The following ALK variants were observed in gnomAD, a reference collection of about 807,000 sequenced individuals.
The protein encoded by ALK is ALK tyrosine kinase receptor.
Under a neutral mutation model 163.1 loss-of-function variants are expected in ALK, and 74 were observed. The ratio of observed to expected loss-of-function variants is 0.45; its 90% confidence interval spans 0.38 to 0.55. ALK has a LOEUF of 0.55. Among genes scored for constraint, ALK ranks in the 20% least tolerant of loss-of-function variants. The probability of loss-of-function intolerance (pLI) is 0.00; values close to 1 mark genes in which losing one functional copy is unlikely to be tolerated. For missense variants in ALK, 2,063 were observed against 2,105.3 expected, an observed-to-expected ratio of 0.98 and a Z score of 0.39; for synonymous variants, 960 against 843.2, an observed-to-expected ratio of 1.14 and a Z score of -2.40.
At chr2:29,204,816 T>C (rs1028376491) in intron 26 of ALK, among the ~76,000 whole-genome samples, 4 of 152,220 alleles carry the variant, frequency 2.6e-5, no homozygotes, top group African/African-American at 9.6e-5. Context: ...CTCGAACTTC[T>C]GACCTCAGGT....
intron 4 of ALK, among the ~76,000 whole-genome samples, chr2:29,422,875 T>G (rs1367027476): frequency 6.6e-6 from 1 of 151,944 alleles, no homozygotes; most frequent in Admixed American, 6.6e-5. Context: ...CCTGAGTCTA[T>G]GAAAACTTCA....
chr2:29,834,757 A>G (rs1016692102), intron 1 of ALK, among the ~76,000 whole-genome samples: 1 of 152,180 alleles, frequency 6.6e-6, no homozygotes, highest in Non-Finnish European at 1.5e-5. Context: ...GTCCCAAACC[A>G]CTTTACTGTG....
chr2:29,420,175 A>C (rs1295404209), intron 4 of ALK, among the ~76,000 whole-genome samples: 1 of 150,478 alleles, frequency 6.6e-6, no homozygotes, highest in Non-Finnish European at 1.5e-5. Flanking sequence ...AAAAAAAAAA[A>C]AAAGGTAGGG....
At chr2:29,537,780 T>C (rs1372873644) in intron 3 of ALK, among the ~76,000 whole-genome samples, 2 of 152,236 alleles carry the variant, frequency 1.3e-5, no homozygotes, top group Non-Finnish European at 2.9e-5. Context: ...GGAGCAGCCA[T>C]GGAGGACGCA....
At chr2:29,305,421 C>A (rs1438283977) in intron 8 of ALK, among the ~76,000 whole-genome samples, 2 of 152,144 alleles carry the variant, frequency 1.3e-5, no homozygotes, top group Non-Finnish European at 2.9e-5. Flanking sequence ...ATTAGAAGAC[C>A]TGGAGGCCTG....
chr2:29,461,732 T>G (rs534038853), intron 4 of ALK, among the ~76,000 whole-genome samples: 3 of 152,306 alleles, frequency 2.0e-5, no homozygotes, highest in East Asian at 1.9e-4. Context: ...TTGTATTCAT[T>G]CCTGCTAACA....
At chr2:29,758,154 G>A (rs1680592931) in intron 1 of ALK, among the ~76,000 whole-genome samples, 1 of 151,900 alleles carries the variant, frequency 6.6e-6, no homozygotes, top group Admixed American at 6.6e-5. Flanking sequence ...AGGACCACAG[G>A]CATGTGCCAC....
intron 1 of ALK, among the ~76,000 whole-genome samples, chr2:29,738,285 AC>A (rs1408828150): frequency 6.6e-6 from 1 of 152,082 alleles, no homozygotes; most frequent in African/African-American, 2.4e-5. Context: ...AAAGAGAAGG[AC>A]CAAATGGATG....
At chr2:29,771,583 G>T (rs973045844) in intron 1 of ALK, among the ~76,000 whole-genome samples, 9 of 151,574 alleles carry the variant, frequency 5.9e-5, no homozygotes, top group Admixed American at 5.9e-4. Flanking sequence ...CGCCCAGGCT[G>T]GAGTGCAGTG....
At chr2:29,619,652 C>T (rs972134412) in intron 3 of ALK, among the ~76,000 whole-genome samples, 1 of 152,198 alleles carries the variant, frequency 6.6e-6, no homozygotes, top group Non-Finnish European at 1.5e-5. Context: ...AACTTAGCCC[C>T]GATGGATCGT....
intron 1 of ALK, among the ~76,000 whole-genome samples, chr2:29,772,219 AT>A (rs1189271529): frequency 6.6e-6 from 1 of 152,222 alleles, no homozygotes; most frequent in African/African-American, 2.4e-5. Context: ...TGACACAGTG[AT>A]ACAATCAGAG....
At chr2:29,591,195 A>G (rs1458742985) in intron 3 of ALK, among the ~76,000 whole-genome samples, 1 of 151,914 alleles carries the variant, frequency 6.6e-6, no homozygotes, top group African/African-American at 2.4e-5. Flanking sequence ...TTTTTCTTCA[A>G]CACAGTACCC....
chr2:29,343,267 G>A (rs1667852893), intron 5 of ALK, among the ~76,000 whole-genome samples: 1 of 147,852 alleles, frequency 6.8e-6, no homozygotes, highest in African/African-American at 2.5e-5. Flanking sequence ...GGAGTGCAGT[G>A]GCACGATCAT....
intron 11 of ALK, among the ~76,000 whole-genome samples, chr2:29,264,700 G>A (rs28439772): frequency 0.012 from 1,819 of 152,328 alleles, 30 homozygotes; most frequent in African/African-American, 0.041. Flanking sequence ...ACCCACCTGA[G>A]TGGTCAGAAG....
intron 3 of ALK, among the ~76,000 whole-genome samples, chr2:29,538,195 G>A (rs1270055515): frequency 6.6e-6 from 1 of 152,110 alleles, no homozygotes; most frequent in Non-Finnish European, 1.5e-5. Context: ...TATTTGGGGG[G>A]GGCAGGGGTG....
At chr2:29,544,897 G>A (rs999166455) in intron 3 of ALK, among the ~76,000 whole-genome samples, 7 of 152,264 alleles carry the variant, frequency 4.6e-5, no homozygotes, top group African/African-American at 1.7e-4. Flanking sequence ...AAACCAAGAA[G>A]CAAAGAAGTT....
chr2:29,687,181 G>A (rs886790478), intron 3 of ALK, among the ~76,000 whole-genome samples: 2 of 152,000 alleles, frequency 1.3e-5, no homozygotes, highest in Admixed American at 6.6e-5. Flanking sequence ...GTGTGTTTCT[G>A]TACTCTTACT....
intron 3 of ALK, among the ~76,000 whole-genome samples, chr2:29,654,432 G>A (rs532949081): frequency 2.0e-5 from 3 of 152,228 alleles, no homozygotes; most frequent in Admixed American, 6.5e-5. Flanking sequence ...GGTCTTCCAG[G>A]TCTAGCATGC....
At chr2:29,385,127 T>G (rs891193850) in intron 4 of ALK, among the ~76,000 whole-genome samples, 2 of 152,020 alleles carry the variant, frequency 1.3e-5, no homozygotes, top group South Asian at 4.2e-4. Context: ...ACATTTTTTT[T>G]TTTTTTACCA....
Sources: allele counts gnomAD v4.1 joint callset (sites outside exome capture counted in the v4.1 genomes callset), GRCh38; gene constraint gnomAD v4.1.1; transcripts MANE v1.5; gene names NCBI Gene and HGNC (gene_info 2026-07-23, HGNC 2026-07-21).